MAP3K13: variants seen among roughly 807,000 people sequenced by gnomAD.
The protein encoded by MAP3K13 is mitogen-activated protein kinase kinase kinase 13.
MAP3K13 carries 52 observed loss-of-function variants against 104.0 expected under a neutral mutation model. The ratio of observed to expected loss-of-function variants is 0.50; its 90% CI spans 0.40 to 0.63. The LOEUF is 0.63. Ranked by LOEUF, MAP3K13 falls within the 20% of genes least tolerant of loss-of-function variation. MAP3K13 has a pLI of 0.00. For missense variants in MAP3K13, 914 were observed against 1,218.5 expected, an observed-to-expected ratio of 0.75 and a Z score of 3.72; for synonymous variants, 394 against 442.2, an observed-to-expected ratio of 0.89 and a Z score of 1.37.
At chr3:185,433,988 T>A (rs35853667) in intron 2 of MAP3K13, among the ~76,000 whole-genome samples, 2 of 12,952 alleles carry the variant, frequency 1.5e-4, no homozygotes, top group Non-Finnish European at 1.8e-3. Context: ...TGGAAAAAAA[T>A]AATTTATATC....
At chr3:185,393,961 A>G (rs1712231210) in intron 1 of MAP3K13, among the ~76,000 whole-genome samples, 1 of 152,102 alleles carries the variant, frequency 6.6e-6, no homozygotes, top group Non-Finnish European at 1.5e-5. Flanking sequence ...GACGGTTAGC[A>G]AGGAGGAATG....
chr3:185,388,425 C>A (rs1034221484), intron 1 of MAP3K13, among the ~76,000 whole-genome samples: 4 of 151,972 alleles, frequency 2.6e-5, no homozygotes, highest in Non-Finnish European at 5.9e-5. Context: ...TTGCTTGAGC[C>A]CAGGAGGCCG....
intron 3 of MAP3K13, among the ~76,000 whole-genome samples, chr3:185,443,086 G>T (rs1042190424): frequency 6.6e-6 from 1 of 151,992 alleles, no homozygotes; most frequent in African/African-American, 2.4e-5. Context: ...TGATCCACCC[G>T]CCTTGGCCTC....
At chr3:185,472,004 A>T (rs1267792005) in intron 10 of MAP3K13, among the ~76,000 whole-genome samples, 1 of 152,166 alleles carries the variant, frequency 6.6e-6, no homozygotes, top group East Asian at 1.9e-4. Context: ...TTGAGTGGAA[A>T]GTTTGTTCAA....
At chr3:185,336,086 A>G (rs1200224974) in intron 2 of MAP3K13, among the ~76,000 whole-genome samples, 1 of 152,114 alleles carries the variant, frequency 6.6e-6, no homozygotes, top group Non-Finnish European at 1.5e-5. Flanking sequence ...CTGAAGTTTT[A>G]TGGAATATGA....
intron 2 of MAP3K13, among the ~76,000 whole-genome samples, chr3:185,326,786 A>C (rs912039138): frequency 1.3e-5 from 2 of 152,156 alleles, no homozygotes; most frequent in Admixed American, 6.5e-5. Context: ...TTAGGAGGCC[A>C]CTAAGTTAAG....
chr3:185,470,933 T>C (rs982509834), intron 10 of MAP3K13, among the ~76,000 whole-genome samples: 18 of 152,228 alleles, frequency 1.2e-4, no homozygotes, highest in African/African-American at 3.9e-4. Flanking sequence ...GTCCTGGAAA[T>C]GTATCCATGT....
At position 185,468,265 on chromosome 3, in the gene MAP3K13, T is replaced by A. The variant is rs565631813; in HGVS notation, c.1643+1302T>A. 5.3e-5 allele frequency among the ~76,000 whole-genome samples: 8 copies of A among 152,300 alleles called. 1 individual carries two copies. The East Asian group carries it at 1.5e-3, about 29-fold the overall frequency. ...TATCTAACCATATGGGTTCCCCTCA[T>A]TGTACCCTAGCATGGGAGTTTTGTG... On this transcript the variant is annotated intron_variant, in intron 10 of 13. Coordinates refer to ENST00000265026, the MANE Select transcript of MAP3K13 (RefSeq NM_004721.5).
chr3:185,304,928 G>A (rs113157555), intron 2 of MAP3K13, among the ~76,000 whole-genome samples: 1,581 of 60,476 alleles, frequency 0.026, 8 homozygotes, highest in Middle Eastern at 0.047. Context: ...CACCGCACCC[G>A]GCCACCCCTG....
At chr3:185,325,311 G>A (rs1722008893) in intron 2 of MAP3K13, among the ~76,000 whole-genome samples, 1 of 152,162 alleles carries the variant, frequency 6.6e-6, no homozygotes, top group Non-Finnish European at 1.5e-5. Context: ...ACAAGGACAG[G>A]TCATTGGATT....
At chr3:185,454,931 G>C (rs1287927916) in intron 7 of MAP3K13, among the ~76,000 whole-genome samples, 2 of 57,916 alleles carry the variant, frequency 3.5e-5, no homozygotes, top group Non-Finnish European at 6.6e-5. Context: ...ATATATATAT[G>C]ATATATATAT....
chr3:185,312,197 G>T (rs1383445498), intron 2 of MAP3K13, among the ~76,000 whole-genome samples: 5 of 152,236 alleles, frequency 3.3e-5, no homozygotes, highest in Non-Finnish European at 7.3e-5. Flanking sequence ...AAGCCAAGGA[G>T]AAGTATTTAC....
chr3:185,425,346 T>C (rs1714353095), intron 1 of MAP3K13, among the ~76,000 whole-genome samples: 1 of 152,258 alleles, frequency 6.6e-6, no homozygotes, highest in Admixed American at 6.5e-5. Flanking sequence ...ATTGTCTGTC[T>C]ATTCATTATT....
At chr3:185,329,082 A>C (rs1183624863) in intron 2 of MAP3K13, 4 of 573,428 alleles carry the variant, frequency 7.0e-6, no homozygotes, top group Non-Finnish European at 1.3e-5. Flanking sequence ...AGGGATTAGA[A>C]CTACTGAAAA....
At chr3:185,437,958 G>GGTT (rs1020947938) in intron 3 of MAP3K13, among the ~76,000 whole-genome samples, 12 of 152,104 alleles carry the variant, frequency 7.9e-5, no homozygotes, top group African/African-American at 2.7e-4. Context: ...GGATAACAGA[G>GGTT]GTTACTTCAA....
At chr3:185,478,884 A>AG (rs1718287756) in intron 12 of MAP3K13, among the ~76,000 whole-genome samples, 1 of 151,872 alleles carries the variant, frequency 6.6e-6, no homozygotes, top group Non-Finnish European at 1.5e-5. Context: ...AAAAAAAAAA[A>AG]GAAAAAAACA....
intron 2 of MAP3K13, among the ~76,000 whole-genome samples, chr3:185,293,799 AT>A (rs917288761): frequency 6.6e-6 from 1 of 151,774 alleles, no homozygotes; most frequent in African/African-American, 2.4e-5. Flanking sequence ...GAGACTCAGC[AT>A]TTTTTTTCAC....
intron 1 of MAP3K13, among the ~76,000 whole-genome samples, chr3:185,393,915 A>G (rs947349159): frequency 1.3e-5 from 2 of 152,168 alleles, no homozygotes; most frequent in African/African-American, 2.4e-5. Flanking sequence ...TGACAAGAAG[A>G]TATCAGCAAG....
chr3:185,351,554 C>G (rs1204840558), intron 2 of MAP3K13, among the ~76,000 whole-genome samples: 2 of 152,104 alleles, frequency 1.3e-5, no homozygotes, highest in East Asian at 3.9e-4. Context: ...CTGGCTCTGC[C>G]ATGAATTCCA....
Sources: gnomAD v4.1 joint callset for allele counts (sites outside exome capture counted in the v4.1 genomes callset) on GRCh38, gnomAD v4.1.1 for gene constraint, MANE v1.5 for transcripts, NCBI Gene and HGNC (gene_info 2026-07-23, HGNC 2026-07-21) for gene names.